Variants in IQSEC3 observed in about 807,000 individuals in gnomAD.
IQSEC3 encodes IQ motif and SEC7 domain-containing protein 3.
Under a neutral mutation model 105.4 loss-of-function variants are expected in IQSEC3, and 50 were observed. The observed-to-expected ratio is 0.47, with a 90% CI of 0.38 to 0.60. The LOEUF (loss-of-function observed/expected upper bound fraction) is 0.60, where lower values mean the gene tolerates loss of function less well. IQSEC3 is among the 20% of genes least tolerant of loss of function. IQSEC3 has a pLI of 0.00. For synonymous variants in IQSEC3, 708 were observed against 746.0 expected (o/e 0.95, Z 0.83); for missense variants, 1,415 against 1,630.0 (o/e 0.87, Z 2.27).
chr12:122,438 TTGTG>T (rs1295893237), intron 2 of IQSEC3, among the ~76,000 whole-genome samples: 7 of 152,234 alleles, frequency 4.6e-5, no homozygotes, highest in Admixed American at 3.9e-4. Flanking sequence ...GAGAGAGAGA[TTGTG>T]TGTGAGGGGT....
At chr12:172,510 C>T (rs1355696658) in intron 13 of IQSEC3, among the ~76,000 whole-genome samples, 1 of 152,212 alleles carries the variant, frequency 6.6e-6, no homozygotes, top group Non-Finnish European at 1.5e-5. Flanking sequence ...ATATGGCTAT[C>T]TGCAAGGCTG....
chr12:121,221 G>A (rs1211494097), intron 2 of IQSEC3, among the ~76,000 whole-genome samples: 1 of 152,228 alleles, frequency 6.6e-6, no homozygotes, highest in African/African-American at 2.4e-5. Flanking sequence ...GAGGAGAGAT[G>A]TTCTGGGAGC....
intron 1 of IQSEC3, among the ~76,000 whole-genome samples, chr12:78,532 C>T (rs1233441140): frequency 1.3e-5 from 2 of 152,006 alleles, no homozygotes; most frequent in African/African-American, 4.8e-5. Context: ...TTTAAAACTC[C>T]CAGCCTTATC....
At chr12:75,879 C>G (rs1384525143) in intron 1 of IQSEC3, among the ~76,000 whole-genome samples, 2 of 152,262 alleles carry the variant, frequency 1.3e-5, no homozygotes, top group African/African-American at 4.8e-5. Context: ...ATGCGGAAAG[C>G]TGCTCTCAGA....
At chr12:106,125 C>G (rs1864641278) in intron 2 of IQSEC3, among the ~76,000 whole-genome samples, 1 of 152,176 alleles carries the variant, frequency 6.6e-6, no homozygotes, top group Non-Finnish European at 1.5e-5. Context: ...CTTGTTTAAC[C>G]CCTAATAGAA....
intron 1 of IQSEC3, among the ~76,000 whole-genome samples, chr12:98,178 G>C (rs553545930): frequency 6.6e-6 from 1 of 152,262 alleles, no homozygotes; most frequent in African/African-American, 2.4e-5. Context: ...GCAATGGGTC[G>C]GTGTATCTTT....
At chr12:129,838 A>G (rs1054446143) in intron 3 of IQSEC3, among the ~76,000 whole-genome samples, 26 of 152,058 alleles carry the variant, frequency 1.7e-4, no homozygotes, top group Non-Finnish European at 1.8e-4. Context: ...ACAGATCCCC[A>G]TACCCCAAGC....
At chr12:161,559 TG>T (rs1177440556) in intron 7 of IQSEC3, among the ~76,000 whole-genome samples, 2 of 151,638 alleles carry the variant, frequency 1.3e-5, no homozygotes, top group African/African-American at 4.9e-5. Context: ...GGGGTGGAGC[TG>T]GGGGGTGAGA....
At chr12:96,009 A>G (rs1167772683) in intron 1 of IQSEC3, among the ~76,000 whole-genome samples, 1 of 152,234 alleles carries the variant, frequency 6.6e-6, no homozygotes, top group Non-Finnish European at 1.5e-5. Flanking sequence ...AGGAGTGACC[A>G]TGGCCTGAGG....
At chr12:165,944 C>G (rs1867154959) in intron 11 of IQSEC3, 54 bp downstream of exon 11, 3 of 1,587,308 alleles carry the variant, frequency 1.9e-6, no homozygotes, top group Non-Finnish European at 2.6e-6. Context: ...CAGCAAGGGA[C>G]AGGGGCAGCT....
intron 1 of IQSEC3, among the ~76,000 whole-genome samples, chr12:84,842 G>A (rs1863864449): frequency 6.6e-6 from 1 of 152,168 alleles, no homozygotes; most frequent in Admixed American, 6.5e-5. Context: ...CAAACTTCAA[G>A]AGTCTGACTG....
At chr12:170,647 C>T (rs931018908) in intron 12 of IQSEC3, among the ~76,000 whole-genome samples, 32 of 152,336 alleles carry the variant, frequency 2.1e-4, no homozygotes, top group Middle Eastern at 3.4e-3. Flanking sequence ...GAGCAGTTAT[C>T]GGCTCTCACC....
chr12:124,509 A>G (rs1030622460), intron 2 of IQSEC3, among the ~76,000 whole-genome samples: 2 of 152,310 alleles, frequency 1.3e-5, no homozygotes, highest in East Asian at 3.9e-4. Context: ...GGTAGGAACT[A>G]GGACCTCCTA....
At chr12:108,883 G>A (rs1390099994) in intron 2 of IQSEC3, among the ~76,000 whole-genome samples, 8 of 152,372 alleles carry the variant, frequency 5.3e-5, no homozygotes, top group African/African-American at 7.2e-5. Context: ...CTGGCAGGCC[G>A]AGAGCTGCAC....
At chr12:134,359 T>C (rs987774519) in intron 3 of IQSEC3, among the ~76,000 whole-genome samples, 1 of 152,236 alleles carries the variant, frequency 6.6e-6, no homozygotes, top group African/African-American at 2.4e-5. Context: ...TCTTTCCTGC[T>C]TGGGTGAAGC....
intron 1 of IQSEC3, among the ~76,000 whole-genome samples, chr12:91,004 A>T (rs1555073238): frequency 6.6e-6 from 1 of 152,070 alleles, no homozygotes; most frequent in South Asian, 2.1e-4. Context: ...ACCAGAAGCA[A>T]TTTTATGATT....
At chr12:136,068 A>C (rs927665146) in intron 3 of IQSEC3, among the ~76,000 whole-genome samples, 1 of 152,248 alleles carries the variant, frequency 6.6e-6, no homozygotes, top group African/African-American at 2.4e-5. Context: ...GACCCCTCCA[A>C]TAGGGGGATT....
intron 1 of IQSEC3, among the ~76,000 whole-genome samples, chr12:72,504 C>T: frequency 7.2e-6 from 1 of 138,088 alleles, no homozygotes; most frequent in East Asian, 1.9e-4. Flanking sequence ...GGGCACAGGG[C>T]AATGGCAGCT....
intron 2 of IQSEC3, among the ~76,000 whole-genome samples, chr12:107,651 C>T (rs912302665): frequency 2.2e-4 from 34 of 152,084 alleles, no homozygotes; most frequent in African/African-American, 7.7e-4. Flanking sequence ...ACCTCGTGAT[C>T]CGCCCACCTC....
Sources: allele counts gnomAD v4.1 joint callset (sites outside exome capture counted in the v4.1 genomes callset), GRCh38; gene constraint gnomAD v4.1.1; transcripts MANE v1.5; gene names NCBI Gene and HGNC (gene_info 2026-07-23, HGNC 2026-07-21).